Variants in ACOXL observed in about 807,000 individuals in gnomAD.
ACOXL encodes the protein acyl-coenzyme A oxidase-like protein.
Under a neutral mutation model 71.9 loss-of-function variants are expected in ACOXL, and 70 were observed. The ratio of observed to expected loss-of-function variants is 0.97; its 90% CI spans 0.80 to 1.19. The LOEUF is 1.19. Among genes scored for constraint, ACOXL ranks in the 50% most tolerant of loss-of-function variants. ACOXL has a pLI of 0.00. For synonymous variants in ACOXL, 253 were observed against 281.6 expected (o/e 0.90, Z 1.02); for missense variants, 703 against 736.3 (o/e 0.95, Z 0.52).
At chr2:110,868,314 G>T (rs1464586786) in intron 10 of ACOXL, among the ~76,000 whole-genome samples, 1 of 152,122 alleles carries the variant, frequency 6.6e-6, no homozygotes, top group East Asian at 1.9e-4. Context: ...ATTCCTGCAG[G>T]GATTGTCATT....
chr2:110,898,010 G>T (rs28855668), intron 10 of ACOXL, among the ~76,000 whole-genome samples: 1 of 151,778 alleles, frequency 6.6e-6, no homozygotes, highest in African/African-American at 2.4e-5. Context: ...GAATAAATTC[G>T]TTAAAAAACC....
At chr2:110,779,603 T>C (rs1683080967) in intron 2 of ACOXL, among the ~76,000 whole-genome samples, 1 of 152,172 alleles carries the variant, frequency 6.6e-6, no homozygotes, top group Non-Finnish European at 1.5e-5. Context: ...GGTCATGGGG[T>C]ATTGGCATAA....
chr2:110,978,371 G>A (rs2062552825), intron 12 of ACOXL, among the ~76,000 whole-genome samples: 2 of 152,122 alleles, frequency 1.3e-5, no homozygotes, highest in African/African-American at 4.8e-5. Flanking sequence ...ACCCCTGAAC[G>A]TCTCCACCTT....
At chr2:111,018,684 G>A (rs1032763533) in intron 14 of ACOXL, among the ~76,000 whole-genome samples, 29 of 147,814 alleles carry the variant, frequency 2.0e-4, no homozygotes, top group African/African-American at 7.0e-4. Flanking sequence ...GATGCAGCCC[G>A]AGCTTGGGTG....
intron 10 of ACOXL, among the ~76,000 whole-genome samples, chr2:110,864,727 C>T (rs1426491302): frequency 2.0e-5 from 3 of 152,220 alleles, no homozygotes; most frequent in Admixed American, 1.3e-4. Context: ...GGGGCTCTGT[C>T]GAATTAACCA....
In ACOXL at chr2:111,066,521, T is replaced by C. The variant is rs961829236; in HGVS notation, c.1440+17233T>C. On this transcript the variant is annotated intron_variant, in intron 16 of 17. Coordinates refer to ENST00000439055, the MANE Select transcript of ACOXL (RefSeq NM_001142807.4). ...GATGTTGTACTATAGTTTTTTAAGA[T>C]GTTACCATTGGGCGAAACTGGGTAA... Among the ~76,000 whole-genome samples the C allele has an allele frequency of 3.9e-5, 6 of 152,160 alleles. 1 individual carries two copies. The highest frequency in any genetic ancestry group is 9.7e-5 in the African/African-American group (4 of 41,426).
chr2:111,105,040 T>C (rs979978018), intron 17 of ACOXL, among the ~76,000 whole-genome samples: 1 of 152,136 alleles, frequency 6.6e-6, no homozygotes, highest in African/African-American at 2.4e-5. Context: ...TTTTTGCTTG[T>C]TGGTTTTTTT....
intron 12 of ACOXL, among the ~76,000 whole-genome samples, chr2:110,977,436 T>A (rs1255152721): frequency 7.3e-5 from 11 of 150,930 alleles, no homozygotes; most frequent in Admixed American, 5.9e-4. Context: ...ATATAAAATG[T>A]CAGGGAGGGA....
At position 110,938,900 on chromosome 2, in the gene ACOXL, A is replaced by G. The variant is rs140592075; in HGVS notation, c.1059+5258A>G. Among the ~76,000 whole-genome samples the G allele has an allele frequency of 9.7e-3, 1,478 of 152,150 alleles. 13 individuals are homozygous for G. Among genetic ancestry groups the G allele is most frequent in the Middle Eastern group, 0.051 (15 of 294 alleles). ...CTTTTGGAGGGAGAAAGAACACTGT[A>G]TTGCCTACAGACTACTCATAATGAG... On this transcript the variant is annotated intron_variant, in intron 12 of 17. Coordinates refer to ENST00000439055, the MANE Select transcript of ACOXL (RefSeq NM_001142807.4).
At chr2:111,000,812 C>T (rs998487499) in intron 14 of ACOXL, among the ~76,000 whole-genome samples, 1 of 152,194 alleles carries the variant, frequency 6.6e-6, no homozygotes. Context: ...CCCTAATTAC[C>T]TCATTTTAAC....
chr2:110,803,758 G>T (rs1431314197), intron 8 of ACOXL, among the ~76,000 whole-genome samples: 1 of 152,132 alleles, frequency 6.6e-6, no homozygotes, highest in Non-Finnish European at 1.5e-5. Flanking sequence ...ATATTTGTAA[G>T]TCATATATAT....
intron 10 of ACOXL, among the ~76,000 whole-genome samples, chr2:110,860,570 G>A (rs1693822122): frequency 6.6e-6 from 1 of 152,220 alleles, no homozygotes; most frequent in Non-Finnish European, 1.5e-5. Context: ...GACATTGCTT[G>A]CTGTCCCCAA....
At chr2:110,865,324 G>T (rs1021443252) in intron 10 of ACOXL, among the ~76,000 whole-genome samples, 3 of 152,226 alleles carry the variant, frequency 2.0e-5, no homozygotes, top group Admixed American at 6.5e-5. Context: ...GGTTGGGCTG[G>T]AGCCAGCCCT....
intron 14 of ACOXL, among the ~76,000 whole-genome samples, chr2:111,005,194 T>C (rs2063815612): frequency 6.6e-6 from 1 of 152,192 alleles, no homozygotes. Context: ...TCAGGGTGTA[T>C]AAGACTCACC....
chr2:110,832,022 CTAAA>C (rs113192575), intron 9 of ACOXL, among the ~76,000 whole-genome samples: 1 of 152,132 alleles, frequency 6.6e-6, no homozygotes, highest in African/African-American at 2.4e-5. Context: ...GACCTCCTGT[CTAAA>C]TAAATAAATA....
intron 16 of ACOXL, among the ~76,000 whole-genome samples, chr2:111,090,319 T>A (rs181105151): frequency 6.6e-6 from 1 of 152,046 alleles, no homozygotes; most frequent in East Asian, 1.9e-4. Flanking sequence ...ATTAGGAAAT[T>A]GGATGCCTCT....
At chr2:110,807,923 G>T (rs1034662856) in intron 9 of ACOXL, among the ~76,000 whole-genome samples, 4 of 152,164 alleles carry the variant, frequency 2.6e-5, no homozygotes, top group Non-Finnish European at 5.9e-5. Flanking sequence ...TTCACTCAAG[G>T]CTGAGCGTGC....
rs1260817065 is a variant in ACOXL, at chr2:110,903,245, G to GC, written c.789-5537dup. Among the ~76,000 whole-genome samples the GC allele has an allele frequency of 9.2e-5, 14 of 152,252 alleles. 1 individual carries two copies. The South Asian group carries it at 2.1e-3, about 23-fold the overall frequency. ...GAGAGGGGAGAAGGCGAATGGCGCG[G>GC]CCCCCCCAGAGGCTGCGCCTGCAGT... is the stretch of plus-strand genomic sequence containing the variant. On this transcript the variant is annotated intron_variant, in intron 10 of 17. Transcript: ENST00000439055.
At chr2:110,945,199 G>C (rs552449534) in intron 12 of ACOXL, among the ~76,000 whole-genome samples, 1 of 152,126 alleles carries the variant, frequency 6.6e-6, no homozygotes, top group Non-Finnish European at 1.5e-5. Flanking sequence ...GAATTGTTTG[G>C]TTTTTACTTG....
Sources: allele counts gnomAD v4.1 joint callset (sites outside exome capture counted in the v4.1 genomes callset), GRCh38; gene constraint gnomAD v4.1.1; transcripts MANE v1.5; gene names NCBI Gene and HGNC (gene_info 2026-07-23, HGNC 2026-07-21).